SEC23A: variants seen among roughly 807,000 people sequenced by gnomAD.
SEC23A encodes the protein SEC23 homolog A, COPII component, also known as protein transport protein Sec23A.
A neutral mutation model predicts 103.7 loss-of-function variants in SEC23A; 56 were observed. The ratio of observed to expected loss-of-function variants is 0.54; its 90% CI spans 0.44 to 0.67. SEC23A has a LOEUF of 0.67. SEC23A is among the 30% of genes least tolerant of loss of function. The pLI, the probability that SEC23A is intolerant of heterozygous loss-of-function variation, is 0.00. For missense variants in SEC23A, 784 were observed against 936.4 expected (o/e 0.84, Z 2.12); for synonymous variants, 281 against 293.0 (o/e 0.96, Z 0.42).
chr14:39,059,122 G>A (rs1159090509), intron 13 of SEC23A, among the ~76,000 whole-genome samples: 2 of 151,828 alleles, frequency 1.3e-5, no homozygotes, highest in Non-Finnish European at 2.9e-5. Flanking sequence ...CCTTCACTGT[G>A]ATTCTTACAA....
At chr14:39,093,607 A>G (rs1200336894) in intron 2 of SEC23A, among the ~76,000 whole-genome samples, 13 of 152,112 alleles carry the variant, frequency 8.5e-5, no homozygotes, top group Non-Finnish European at 1.9e-4. Flanking sequence ...AAAAAATACA[A>G]AGAATCATCC....
At chr14:39,094,458 TTTCC>T in intron 2 of SEC23A, among the ~76,000 whole-genome samples, 1 of 118,038 alleles carries the variant, frequency 8.5e-6, no homozygotes, top group Non-Finnish European at 1.7e-5. Context: ...TTTTTTTTTT[TTTCC>T]CCTCCTGTAG....
intron 3 of SEC23A, 42 bp from the exon 4 acceptor site, chr14:39,092,669 G>T: frequency 8.8e-7 from 1 of 1,130,922 alleles, no homozygotes; most frequent in Non-Finnish European, 1.3e-6. Context: ...CAAATTATAG[G>T]CTAGAAAGAT....
chr14:39,046,330 G>A (rs868069722), intron 15 of SEC23A, among the ~76,000 whole-genome samples: 57 of 152,184 alleles, frequency 3.7e-4, no homozygotes, highest in African/African-American at 1.3e-3. Context: ...ATGATTAGCC[G>A]GGTATGGTCG....
chr14:39,100,182 C>A (rs1566519532), intron 1 of SEC23A, among the ~76,000 whole-genome samples: 1 of 152,256 alleles, frequency 6.6e-6, no homozygotes, highest in East Asian at 1.9e-4. Context: ...TAAATCACAT[C>A]TATTATACTT....
chr14:39,075,020 T>C (rs1204704002), intron 8 of SEC23A, among the ~76,000 whole-genome samples: 1 of 151,990 alleles, frequency 6.6e-6, no homozygotes, highest in Non-Finnish European at 1.5e-5. Context: ...GGCAGGAGAA[T>C]GGCATGAACC....
intron 13 of SEC23A, among the ~76,000 whole-genome samples, 172 bp downstream of exon 13, chr14:39,061,593 A>G (rs945767216): frequency 6.6e-6 from 1 of 152,302 alleles, no homozygotes; most frequent in Admixed American, 6.5e-5. Context: ...TACGGTTCTT[A>G]GTAATGCATA....
intron 5 of SEC23A, chr14:39,090,931 T>G (rs1014172645): frequency 3.2e-5 from 10 of 317,126 alleles, no homozygotes; most frequent in South Asian, 2.8e-4. Flanking sequence ...CATCAGGAGC[T>G]TCATCTGCAA....
At chr14:39,066,917 A>C (rs895554171) in intron 10 of SEC23A, among the ~76,000 whole-genome samples, 1 of 152,160 alleles carries the variant, frequency 6.6e-6, no homozygotes, top group Non-Finnish European at 1.5e-5. Flanking sequence ...TAAAGAAAAA[A>C]ATTAAAAAGT....
rs1887873871 is a variant in SEC23A, at chr14:39,095,974, GTC to G, written c.143_144del (p.Arg48ThrfsTer2). The G allele has an allele frequency of 1.9e-6, 3 of 1,614,012 alleles. No homozygotes were observed. Among genetic ancestry groups the G allele is most frequent in the African/African-American group, 2.7e-5 (2 of 74,914 alleles). ...VAALFTPLKE[R>X]PDLPPIQYEP... ...TCATATTGAATAGGTGGTAAGTCAG[GTC>G]TCTCTTTCAGTGGTGTAAACAGGGC... On this transcript the variant is annotated frameshift_variant, in exon 2 of 20. Coordinates refer to ENST00000307712, the MANE Select transcript of SEC23A (RefSeq NM_006364.4). LOFTEE classifies it high-confidence loss of function.
intron 1 of SEC23A, among the ~76,000 whole-genome samples, chr14:39,096,392 T>C (rs546487716): frequency 6.6e-6 from 1 of 152,056 alleles, no homozygotes. Context: ...TAGCCAGGCA[T>C]GGTGGCGTAT....
rs1408533474 is a variant in SEC23A, at chr14:39,060,684, GC to G, written c.1505+1080del. On this transcript the variant is annotated intron_variant, in intron 13 of 19. Transcript: ENST00000307712. ...ACAAATACACAGAGATACCAAAGTA[GC>G]AGAGAAATAATTTATTCGTAATTCT... Among the ~76,000 whole-genome samples, 3 of 152,122 alleles carry G rather than the reference GC, an allele frequency of 2.0e-5. No individual in the cohort carries two copies. The East Asian group carries it at 5.8e-4, about 29-fold the overall frequency.
At chr14:39,070,263 TTAAA>T (rs1320626662) in intron 9 of SEC23A, among the ~76,000 whole-genome samples, 2 of 152,218 alleles carry the variant, frequency 1.3e-5, no homozygotes, top group Non-Finnish European at 2.9e-5. Context: ...GATGAATGAA[TTAAA>T]TAAATAAACC....
intron 6 of SEC23A, among the ~76,000 whole-genome samples, chr14:39,086,451 G>A (rs1030510469): frequency 3.3e-5 from 5 of 151,898 alleles, no homozygotes; most frequent in African/African-American, 7.3e-5. Flanking sequence ...GTGAAACCCC[G>A]TCTCTACAAA....
Position 39,064,988 on chromosome 14 carries a change from T to C in SEC23A, c.1233A>G (p.Ser411=), listed in dbSNP as rs2139232150. ...TAGCTCCTGAAATCTTTATTTCCCT[T>C]GAGGTCTGCAAAATAAGAATACAGC... is the stretch of plus-strand genomic sequence containing the variant. ...GFGGTLEIKT[S]REIKISGAIG... The change falls in exon 11 of 20, where the codon TCA becomes TCG. Residue 411 remains serine, a synonymous_variant. Coordinates refer to ENST00000307712, the MANE Select transcript of SEC23A (RefSeq NM_006364.4). 4.3e-6 allele frequency: 7 copies of C among 1,609,276 alleles called. No individual in the cohort carries two copies. The East Asian group carries it at 1.6e-4, about 36-fold the overall frequency.
chr14:39,054,497 G>A (rs1389360545), intron 14 of SEC23A, among the ~76,000 whole-genome samples: 1 of 151,992 alleles, frequency 6.6e-6, no homozygotes, highest in African/African-American at 2.4e-5. Context: ...TTGACACAAG[G>A]TCTCACTCTG....
At chr14:39,063,242 A>T (rs1886538561) in intron 12 of SEC23A, 82 bp downstream of exon 12, 2 of 828,826 alleles carry the variant, frequency 2.4e-6, no homozygotes, top group East Asian at 5.1e-5. Flanking sequence ...AGGAAAAAAA[A>T]TATGAACTAT....
intron 13 of SEC23A, among the ~76,000 whole-genome samples, chr14:39,059,300 A>AAAAAAAAAAAAAC (rs1886382869): frequency 9.9e-6 from 1 of 100,818 alleles, no homozygotes; most frequent in Non-Finnish European, 2.1e-5. Flanking sequence ...AAAAAAAAAA[A>AAAAAAAAAAAAAC]AAAAAAAAAA....
intron 7 of SEC23A, among the ~76,000 whole-genome samples, chr14:39,081,936 T>A (rs1383111098): frequency 2.0e-5 from 3 of 152,106 alleles, no homozygotes; most frequent in Admixed American, 6.6e-5. Context: ...AGGGTGCACA[T>A]GAAGCATTAT....
Sources: allele counts gnomAD v4.1 joint callset (sites outside exome capture counted in the v4.1 genomes callset), GRCh38; gene constraint gnomAD v4.1.1; transcripts MANE v1.5; gene names NCBI Gene and HGNC (gene_info 2026-07-23, HGNC 2026-07-21).